The following CD96 variants were observed in gnomAD, a reference collection of about 807,000 sequenced individuals.
The protein encoded by CD96 is T-cell surface protein tactile.
CD96 carries 70 observed loss-of-function variants against 71.3 expected under a neutral mutation model. That is an observed-to-expected ratio of 0.98 (90% CI 0.81 to 1.20). The LOEUF is 1.20. CD96 is among the 50% of genes most tolerant of loss of function. CD96 has a pLI of 0.00. For synonymous variants in CD96, 248 were observed against 233.0 expected, an observed-to-expected ratio of 1.06 and a Z score of -0.59; for missense variants, 742 against 677.5, an observed-to-expected ratio of 1.10 and a Z score of -1.06.
chr3:111,612,997 C>G (rs571258765), intron 8 of CD96: 12 of 163,124 alleles, frequency 7.4e-5, no homozygotes, highest in African/African-American at 2.9e-4. Context: ...AACTCCAATG[C>G]TTTTCCTTGA....
At chr3:111,594,156 C>G (rs1488435197) in intron 5 of CD96, 1 of 1,611,668 alleles carries the variant, frequency 6.2e-7, no homozygotes, top group Non-Finnish European at 8.5e-7. Flanking sequence ...TCCCCTTTTG[C>G]CTTCATCATT....
chr3:111,598,353 T>G, intron 6 of CD96, 143 bp downstream of exon 6: 1 of 660,322 alleles, frequency 1.5e-6, no homozygotes, highest in Non-Finnish European at 2.8e-6. Context: ...CTACCAAATG[T>G]CATTTTCTGA....
chr3:111,570,495 G>T, intron 3 of CD96: 1 of 787,552 alleles, frequency 1.3e-6, no homozygotes, highest in Non-Finnish European at 2.0e-6. Flanking sequence ...TCACAGTGGA[G>T]CCACCAAGGT....
chr3:111,624,979 G>C (rs925626697), intron 10 of CD96, among the ~76,000 whole-genome samples: 13 of 152,210 alleles, frequency 8.5e-5, no homozygotes, highest in African/African-American at 3.1e-4. Context: ...ATTAGACAAC[G>C]ATCAGTGTGG....
intron 4 of CD96, among the ~76,000 whole-genome samples, chr3:111,584,723 G>T (rs551485199): frequency 1.3e-5 from 2 of 152,282 alleles, no homozygotes; most frequent in East Asian, 1.9e-4. Flanking sequence ...ACCAGCCCCC[G>T]TGATTCAATT....
chr3:111,625,573 G>GA (rs199757355), intron 10 of CD96, among the ~76,000 whole-genome samples: 4 of 151,550 alleles, frequency 2.6e-5, no homozygotes, highest in Admixed American at 6.6e-5. Context: ...TTATTGATAA[G>GA]AAAAAAAATT....
chr3:111,573,349 T>C (rs948396911), intron 3 of CD96, among the ~76,000 whole-genome samples: 3 of 152,210 alleles, frequency 2.0e-5, no homozygotes, highest in Non-Finnish European at 4.4e-5. Flanking sequence ...AAAACTATAT[T>C]GGACATATTT....
At chr3:111,547,416 GT>G (rs35961477) in intron 2 of CD96, among the ~76,000 whole-genome samples, 18,109 of 151,948 alleles carry the variant, frequency 0.12, 1,178 homozygotes, top group Non-Finnish European at 0.13. Flanking sequence ...TTCATACATA[GT>G]TTTTTTTGTA....
intron 5 of CD96, chr3:111,593,755 C>T (rs576772492): frequency 1.2e-6 from 2 of 1,614,232 alleles, no homozygotes; most frequent in Admixed American, 1.7e-5. Context: ...CCCACAAAGC[C>T]ATGGTGCCCA....
chr3:111,627,868 GT>G (rs1341438791), intron 10 of CD96, among the ~76,000 whole-genome samples: 1 of 152,156 alleles, frequency 6.6e-6, no homozygotes, highest in Non-Finnish European at 1.5e-5. Context: ...AAAAACCAAT[GT>G]GACTAGGGTC....
At chr3:111,562,214 C>T (rs1451859089) in intron 2 of CD96, among the ~76,000 whole-genome samples, 5 of 152,180 alleles carry the variant, frequency 3.3e-5, no homozygotes, top group Non-Finnish European at 2.9e-5. Context: ...TGTTCCTATT[C>T]GGCCATCTTG....
chr3:111,591,233 C>A lies in CD96; in HGVS notation c.807+5855C>A, dbSNP rs368759961. On this transcript the variant is annotated intron_variant, in intron 5 of 13. Coordinates refer to ENST00000352690, the MANE Select transcript of CD96 (RefSeq NM_005816.5). ...GCTAAAAATACAAAAATTAGCTGGG[C>A]GTGGTGGCACGCACCTGTAGTCCCA... 1.8e-4 allele frequency among the ~76,000 whole-genome samples: 27 copies of A among 152,078 alleles called. No individual in the cohort carries two copies. In the East Asian group the frequency reaches 4.1e-3, roughly 23 times the overall value.
At chr3:111,595,649 G>A (rs377685851) in intron 5 of CD96, among the ~76,000 whole-genome samples, 21 of 151,874 alleles carry the variant, frequency 1.4e-4, no homozygotes, top group African/African-American at 5.1e-4. Context: ...TAAAGCAAGC[G>A]ATTTGAAGGA....
At position 111,651,965 on chromosome 3, in the gene CD96, A is replaced by G. The variant is rs1940104383; in HGVS notation, c.*2159A>G. 6.6e-6 allele frequency: 1 copy of G among 152,116 alleles called. No homozygotes were observed. Among genetic ancestry groups the G allele is most frequent in the African/African-American group, 2.4e-5 (1 of 41,414 alleles). 9.4% of individuals were successfully genotyped at this position (152,116 alleles called of 1,614,324 possible). A position where few individuals can be genotyped will look rare whatever the true frequency, so the allele number is the denominator to read the frequency against. ...CTAAGGTATTTTGCTAACAAGCACCAACTTGCCAGCCATGTAAGGGAGCCA... is the reference window on the plus strand; with the variant it reads ...CTAAGGTATTTTGCTAACAAGCACCGACTTGCCAGCCATGTAAGGGAGCCA... On this transcript the variant is annotated 3_prime_UTR_variant, in exon 14 of 14. Coordinates refer to ENST00000352690, the MANE Select transcript of CD96 (RefSeq NM_005816.5).
At chr3:111,610,462 C>T (rs1036744177) in intron 8 of CD96, among the ~76,000 whole-genome samples, 39 of 152,146 alleles carry the variant, frequency 2.6e-4, no homozygotes, top group Non-Finnish European at 2.9e-5. Context: ...GTCATCATTA[C>T]GAAGCTGCAT....
At chr3:111,554,385 T>C (rs1401130690) in intron 2 of CD96, among the ~76,000 whole-genome samples, 3 of 152,184 alleles carry the variant, frequency 2.0e-5, no homozygotes, top group Admixed American at 6.5e-5. Context: ...CCTTTTGATC[T>C]ACTTCCTCCA....
At position 111,545,206 on chromosome 3, in the gene CD96, A is replaced by G. The variant is rs142283926; in HGVS notation, c.222A>G (p.Gln74=). The change falls in exon 2 of 14, where the codon CAA becomes CAG. Residue 74 remains glutamine, a synonymous_variant. Coordinates refer to ENST00000352690, the MANE Select transcript of CD96 (RefSeq NM_005816.5). Reference sequence around the variant, plus strand: ...ACCTGATTGCTGTCTATCATCCCCAATACGGCTTCTACTGTGCCTATGGGA... The same window carrying G: ...ACCTGATTGCTGTCTATCATCCCCAGTACGGCTTCTACTGTGCCTATGGGA... ...KIDLIAVYHP[Q]YGFYCAYGRP... is the part of the protein sequence containing the mutation. The G allele has an allele frequency of 2.0e-5, 32 of 1,614,152 alleles. No individual in the cohort carries two copies. The highest frequency in any genetic ancestry group is 8.8e-5 in the South Asian group (8 of 91,078).
At position 111,567,529 on chromosome 3, in the gene CD96, C is replaced by A. The variant is rs759864939; in HGVS notation, c.425C>A (p.Ala142Glu). The change falls in exon 3 of 14, where the codon GCA becomes GAA. Residue 142 changes from alanine to glutamate, a missense_variant. Transcript: ENST00000352690. ...YNLLIQTHVT[A>E]DEWNSNHTIE... ...ACCTTATGTTTTGTTACAGTTACAGCAGATGAATGGAACAGCAACCATACG... is the reference window on the plus strand; with the variant it reads ...ACCTTATGTTTTGTTACAGTTACAGAAGATGAATGGAACAGCAACCATACG... 2 of 1,605,056 alleles carry A rather than the reference C, an allele frequency of 1.2e-6. No individual in the cohort carries two copies. Among genetic ancestry groups the A allele is most frequent in the Non-Finnish European group, 1.7e-6 (2 of 1,172,072 alleles).
In CD96 at chr3:111,584,914, A is replaced by G. The variant is rs558278237; in HGVS notation, c.752-409A>G. On this transcript the variant is annotated intron_variant, in intron 4 of 13. Transcript: ENST00000352690. ...GCACTACCAGTCTTCCACATTCCCA[A>G]TTTTACTTGACTCATCACTGATAAC... Among the ~76,000 whole-genome samples, 59 of 152,138 alleles carry G rather than the reference A, an allele frequency of 3.9e-4. 1 individual carries two copies. Among genetic ancestry groups the G allele is most frequent in the Non-Finnish European group, 1.3e-4 (9 of 68,000 alleles).
Sources: gnomAD v4.1 joint callset for allele counts (sites outside exome capture counted in the v4.1 genomes callset) on GRCh38, gnomAD v4.1.1 for gene constraint, MANE v1.5 for transcripts, NCBI Gene and HGNC (gene_info 2026-07-23, HGNC 2026-07-21) for gene names.